Variants in USP9X observed in about 807,000 individuals in gnomAD.
USP9X encodes the protein ubiquitin carboxyl-terminal hydrolase 9X.
A neutral mutation model predicts 190.3 loss-of-function variants in USP9X; 7 were observed. The observed-to-expected ratio is 0.04, with a 90% CI of 0.02 to 0.07. The LOEUF is 0.07. Among genes scored for constraint, USP9X ranks in the 10% least tolerant of loss-of-function variants. The pLI is 1.00. For synonymous variants in USP9X, 645 were observed against 659.5 expected (o/e 0.98, Z 0.34); for missense variants, 1,010 against 1,916.9 (o/e 0.53, Z 8.83).
chrX:41,168,613 C>T (rs760909054), intron 18 of USP9X, among the ~76,000 whole-genome samples: 6 of 112,392 alleles, frequency 5.3e-5, no homozygotes, highest in Non-Finnish European at 9.4e-5. Context: ...CCACCTCAGC[C>T]TCCCAGGTAG....
At chrX:41,165,003 G>A (rs1459210794) in intron 15 of USP9X, among the ~76,000 whole-genome samples, 1 of 111,724 alleles carries the variant, frequency 9.0e-6, no homozygotes, top group African/African-American at 3.3e-5. Flanking sequence ...TTCATTTGAA[G>A]AAGGGTCTAT....
At chrX:41,186,195 T>G (rs1220894710) in intron 23 of USP9X, among the ~76,000 whole-genome samples, 1 of 111,269 alleles carries the variant, frequency 9.0e-6, no homozygotes, top group African/African-American at 3.3e-5. Context: ...ATAAAAGATG[T>G]ACAATACTTT....
chrX:41,176,157 G>A (rs1004510624), intron 21 of USP9X, among the ~76,000 whole-genome samples: 3 of 111,152 alleles, frequency 2.7e-5, no homozygotes, highest in Non-Finnish European at 5.7e-5. Flanking sequence ...TTCTTTGAAC[G>A]CAGAAGGACT....
Position 41,220,990 on chromosome X carries a change from G to A in USP9X, c.6565+1759G>A, listed in dbSNP as rs1394032003. Among the ~76,000 whole-genome samples the A allele has an allele frequency of 3.7e-5, 4 of 107,198 alleles. No individual in the cohort carries two copies. The East Asian group carries it at 1.2e-3, about 31-fold the overall frequency. The allele number at this position is 107,198 out of a possible 115,157, so 93.1% of individuals were successfully genotyped here. A position where few individuals can be genotyped will look rare whatever the true frequency, so the allele number is the denominator to read the frequency against. On this transcript the variant is annotated intron_variant, in intron 38 of 44. Transcript: ENST00000378308. Reference sequence around the variant, plus strand: ...TATAATAATAGCTTTTGGGCCAGGCGCGGTGGCTCACGTCTGTAATCCCAG... The same window carrying A: ...TATAATAATAGCTTTTGGGCCAGGCACGGTGGCTCACGTCTGTAATCCCAG...
chrX:41,124,530 G>A (rs1396456097), intron 2 of USP9X, among the ~76,000 whole-genome samples: 3 of 110,485 alleles, frequency 2.7e-5, no homozygotes, highest in South Asian at 3.8e-4. Flanking sequence ...TATGTAGTCC[G>A]TCTTTTTCTG....
intron 12 of USP9X, 78 bp from the exon 13 acceptor site, chrX:41,150,843 T>C: frequency 1.0e-6 from 1 of 973,246 alleles, no homozygotes; most frequent in Admixed American, 4.1e-5. Context: ...GCTTTTATTT[T>C]ATAATTCTCA....
At chrX:41,087,170 A>G (rs973212099) in intron 1 of USP9X, among the ~76,000 whole-genome samples, 1 of 112,937 alleles carries the variant, frequency 8.9e-6, no homozygotes, top group African/African-American at 3.2e-5. Context: ...AGTTGTAGGT[A>G]TAGATTAAAT....
chrX:41,232,807 C>G lies in USP9X; in HGVS notation c.*283C>G. 2 of 97,051 alleles carry G rather than the reference C, an allele frequency of 2.1e-5. No homozygotes were observed. The highest frequency in any genetic ancestry group is 2.0e-4 in the East Asian group (1 of 5,125). The allele number at this position is 97,051 out of a possible 1,213,427, so 8.0% of individuals were successfully genotyped here. A position where few individuals can be genotyped will look rare whatever the true frequency, so the allele number is the denominator to read the frequency against. On this transcript the variant is annotated 3_prime_UTR_variant, in exon 45 of 45. Coordinates refer to ENST00000378308, the MANE Select transcript of USP9X (RefSeq NM_001039591.3). Reference sequence around the variant, plus strand: ...TGACTGTTAATTCTTAAGCAAGAAACTTTTTTCTTGATGAGACTCACAGAT... The same window carrying G: ...TGACTGTTAATTCTTAAGCAAGAAAGTTTTTTCTTGATGAGACTCACAGAT...
intron 1 of USP9X, among the ~76,000 whole-genome samples, chrX:41,116,057 G>C (rs1378573650): frequency 8.9e-6 from 1 of 112,101 alleles, no homozygotes; most frequent in Non-Finnish European, 1.9e-5. Flanking sequence ...ATGCAGTCCA[G>C]CCTTTATCTA....
chrX:41,183,092 C>T (rs1215762997), intron 21 of USP9X, among the ~76,000 whole-genome samples: 1 of 110,040 alleles, frequency 9.1e-6, no homozygotes, highest in African/African-American at 3.3e-5. Flanking sequence ...GCGCATGCCA[C>T]CACGCCCGGC....
rs1950819890 is a variant in USP9X at position 41,137,644 on chromosome X, C to T, written c.654+622C>T. On this transcript the variant is annotated intron_variant, in intron 6 of 44. Transcript: ENST00000378308. ...AGGTCTTGTACAAATTTCCCTTTTT[C>T]TATCCAGCCAGAAAGATTTTAAGTC... Among the ~76,000 whole-genome samples, 4 of 110,513 alleles carry T rather than the reference C, an allele frequency of 3.6e-5. No individual in the cohort carries two copies. The Admixed American group carries it at 3.9e-4, about 11-fold the overall frequency.
intron 1 of USP9X, among the ~76,000 whole-genome samples, chrX:41,101,008 A>G: frequency 8.9e-6 from 1 of 111,778 alleles, no homozygotes; most frequent in Non-Finnish European, 1.9e-5. Flanking sequence ...ATATTCTATC[A>G]AAAAATTGCT....
intron 32 of USP9X, among the ~76,000 whole-genome samples, chrX:41,207,232 G>A (rs1293284551): frequency 9.3e-6 from 1 of 107,759 alleles, no homozygotes; most frequent in South Asian, 4.1e-4. Context: ...AGGACGACAG[G>A]CCCACCACAC....
intron 6 of USP9X, among the ~76,000 whole-genome samples, chrX:41,138,325 C>T (rs1406956614): frequency 9.0e-6 from 1 of 111,407 alleles, no homozygotes; most frequent in Non-Finnish European, 1.9e-5. Flanking sequence ...TATGTAATAG[C>T]CTCCATATGT....
At position 41,235,011 on chromosome X, in the gene USP9X, T is replaced by C. The variant is rs2063390653; in HGVS notation, c.*2487T>C. ...TCCTGCTGCTCCTTAACAAAATATG[T>C]AATGTACTTAAAAACTTTAACGACT... On this transcript the variant is annotated 3_prime_UTR_variant, in exon 45 of 45. Transcript: ENST00000378308. The C allele has an allele frequency of 8.9e-6, 1 of 112,407 alleles. No individual in the cohort carries two copies. Among genetic ancestry groups the C allele is most frequent in the African/African-American group, 3.2e-5 (1 of 30,831 alleles). 9.3% of individuals were successfully genotyped at this position (112,407 alleles called of 1,213,427 possible). A position where few individuals can be genotyped will look rare whatever the true frequency, so the allele number is the denominator to read the frequency against.
chrX:41,208,312 A>G (rs2063124173), intron 32 of USP9X, among the ~76,000 whole-genome samples: 1 of 112,633 alleles, frequency 8.9e-6, no homozygotes, highest in South Asian at 3.6e-4. Flanking sequence ...GGCGAGAGCC[A>G]CTGCGCCCAG....
At chrX:41,167,876 C>CA (rs2062691367) in intron 17 of USP9X, 131 bp from the exon 18 acceptor site, 1 of 491,734 alleles carries the variant, frequency 2.0e-6, no homozygotes, top group East Asian at 3.8e-5. Flanking sequence ...TATGGATTCT[C>CA]TACTTAAATA....
At chrX:41,120,562 A>G (rs2146979330) in intron 1 of USP9X, among the ~76,000 whole-genome samples, 1 of 110,992 alleles carries the variant, frequency 9.0e-6, no homozygotes, top group East Asian at 2.8e-4. Context: ...CAGTGGTGCC[A>G]TCTCGGCTCA....
chrX:41,210,782 A>G, intron 33 of USP9X, 100 bp downstream of exon 33: 1 of 794,087 alleles, frequency 1.3e-6, no homozygotes, highest in Non-Finnish European at 1.8e-6. Context: ...GGAGTATATC[A>G]CTGATTACTA....
Sources: allele counts gnomAD v4.1 joint callset (sites outside exome capture counted in the v4.1 genomes callset), GRCh38; gene constraint gnomAD v4.1.1; transcripts MANE v1.5; gene names NCBI Gene and HGNC (gene_info 2026-07-23, HGNC 2026-07-21).